Variants in CTNNA2 observed in about 807,000 individuals in gnomAD.
CTNNA2 encodes the protein catenin alpha-2.
A neutral mutation model predicts 101.0 loss-of-function variants in CTNNA2; 42 were observed. The ratio of observed to expected loss-of-function variants is 0.42; its 90% confidence interval spans 0.32 to 0.54. The LOEUF is 0.54. Among genes scored for constraint, CTNNA2 ranks in the 20% least tolerant of loss-of-function variants. CTNNA2 has a pLI of 0.14. For synonymous variants in CTNNA2, 450 were observed against 456.4 expected (o/e 0.99, Z 0.18); for missense variants, 871 against 1,223.1 (o/e 0.71, Z 4.29).
intron 3 of CTNNA2, among the ~76,000 whole-genome samples, chr2:79,753,072 T>G (rs1183832855): frequency 6.6e-6 from 1 of 152,226 alleles, no homozygotes; most frequent in Admixed American, 6.5e-5. Context: ...TAGCTGATAC[T>G]TGACCACTAT....
At chr2:80,471,763 G>C (rs1206450496) in intron 9 of CTNNA2, among the ~76,000 whole-genome samples, 1 of 152,170 alleles carries the variant, frequency 6.6e-6, no homozygotes, top group Non-Finnish European at 1.5e-5. Context: ...GTGAGTAACA[G>C]TAGAGGTTTT....
At chr2:79,571,870 A>C (rs531237583) in intron 1 of CTNNA2, among the ~76,000 whole-genome samples, 1 of 152,114 alleles carries the variant, frequency 6.6e-6, no homozygotes, top group East Asian at 1.9e-4. Flanking sequence ...CTCTTTCACT[A>C]TGACCACCTT....
At chr2:79,894,398 G>C (rs143228399) in intron 6 of CTNNA2, among the ~76,000 whole-genome samples, 148 of 150,070 alleles carry the variant, frequency 9.9e-4, no homozygotes, top group African/African-American at 3.2e-3. Flanking sequence ...TAAAATGCTA[G>C]TCACATATTA....
At chr2:80,252,893 A>G (rs958190265) in intron 7 of CTNNA2, among the ~76,000 whole-genome samples, 11 of 152,098 alleles carry the variant, frequency 7.2e-5, no homozygotes, top group Admixed American at 7.2e-4. Context: ...TGCAAAGAGC[A>G]TTGATTTTAA....
chr2:79,959,867 G>A (rs1008069252), intron 7 of CTNNA2, among the ~76,000 whole-genome samples: 7 of 152,092 alleles, frequency 4.6e-5, no homozygotes, highest in African/African-American at 1.7e-4. Flanking sequence ...TATGTTATAT[G>A]GTGAGCTATA....
intron 6 of CTNNA2, among the ~76,000 whole-genome samples, chr2:79,894,076 T>TCCG (rs1684525305): frequency 6.6e-6 from 1 of 150,880 alleles, no homozygotes; most frequent in African/African-American, 2.4e-5. Flanking sequence ...CTCCTCCTCC[T>TCCG]CCTCCTTCTT....
chr2:79,421,297 A>G (rs1678537104), intron 4 of CTNNA2, among the ~76,000 whole-genome samples: 1 of 152,216 alleles, frequency 6.6e-6, no homozygotes, highest in African/African-American at 2.4e-5. Flanking sequence ...TTAAGTGATG[A>G]GAGATGTGAA....
At chr2:80,270,428 TACTC>T (rs1368762642) in intron 7 of CTNNA2, among the ~76,000 whole-genome samples, 1 of 152,198 alleles carries the variant, frequency 6.6e-6, no homozygotes, top group Non-Finnish European at 1.5e-5. Context: ...CCATTGCTCT[TACTC>T]AGCAGGGAAC....
At chr2:79,821,677 G>A (rs1678018153) in intron 3 of CTNNA2, among the ~76,000 whole-genome samples, 1 of 152,202 alleles carries the variant, frequency 6.6e-6, no homozygotes, top group Non-Finnish European at 1.5e-5. Context: ...AGGAATACAT[G>A]TAACTTTCCT....
At chr2:80,361,135 A>G (rs574152738) in intron 7 of CTNNA2, among the ~76,000 whole-genome samples, 8 of 152,176 alleles carry the variant, frequency 5.3e-5, no homozygotes, top group African/African-American at 1.4e-4. Flanking sequence ...TTTGTAGGCT[A>G]CAAATTGGTT....
rs137920883 is a variant in CTNNA2, at chr2:80,414,755, G to T, written c.1138-4694G>T. 3.9e-5 allele frequency among the ~76,000 whole-genome samples: 6 copies of T among 152,316 alleles called. No homozygotes were observed. In the East Asian group the frequency reaches 1.2e-3, roughly 29 times the overall value. Reference sequence around the variant, plus strand: ...CTGAATTTTGCCTATTTTGTGAACTGACAGGTCAATCTTTCTGCTTAAATC... The same window carrying T: ...CTGAATTTTGCCTATTTTGTGAACTTACAGGTCAATCTTTCTGCTTAAATC... On this transcript the variant is annotated intron_variant, in intron 8 of 18. Coordinates refer to ENST00000402739, the MANE Select transcript of CTNNA2 (RefSeq NM_001282597.3).
At chr2:79,950,248 C>A (rs1001938556) in intron 7 of CTNNA2, among the ~76,000 whole-genome samples, 1 of 151,942 alleles carries the variant, frequency 6.6e-6, no homozygotes, top group Admixed American at 6.6e-5. Flanking sequence ...GAACAAAAAA[C>A]CACACCTGCA....
intron 12 of CTNNA2, among the ~76,000 whole-genome samples, chr2:80,570,173 C>G (rs929828968): frequency 3.3e-5 from 5 of 152,098 alleles, no homozygotes; most frequent in Admixed American, 1.3e-4. Flanking sequence ...CTCAGCCTCT[C>G]GAGTAGCTGG....
intron 8 of CTNNA2, among the ~76,000 whole-genome samples, chr2:80,393,799 A>G (rs1367233373): frequency 6.6e-6 from 1 of 152,198 alleles, no homozygotes; most frequent in Non-Finnish European, 1.5e-5. Context: ...GGAAGCAGGG[A>G]ATAAAATGGC....
At chr2:79,864,770 G>T (rs1681899368) in intron 4 of CTNNA2, among the ~76,000 whole-genome samples, 1 of 152,148 alleles carries the variant, frequency 6.6e-6, no homozygotes, top group Admixed American at 6.5e-5. Context: ...CTCAGAAATT[G>T]AGTATGGGCT....
intron 11 of CTNNA2, among the ~76,000 whole-genome samples, chr2:80,548,788 G>C (rs1194147760): frequency 1.3e-5 from 2 of 152,136 alleles, no homozygotes; most frequent in Non-Finnish European, 2.9e-5. Context: ...CCAATAGCTA[G>C]GGAAACTACT....
chr2:79,812,026 C>A (rs895455841), intron 3 of CTNNA2, among the ~76,000 whole-genome samples: 3 of 152,056 alleles, frequency 2.0e-5, no homozygotes, highest in Admixed American at 6.5e-5. Flanking sequence ...TTTACTGATT[C>A]TATATAGAAA....
chr2:79,977,636 T>A (rs1268727677), intron 7 of CTNNA2, among the ~76,000 whole-genome samples: 2 of 152,172 alleles, frequency 1.3e-5, no homozygotes, highest in Non-Finnish European at 2.9e-5. Flanking sequence ...TGCATTATAA[T>A]ACAAACATAC....
chr2:79,850,086 T>G (rs935763406), intron 3 of CTNNA2, among the ~76,000 whole-genome samples: 1 of 151,896 alleles, frequency 6.6e-6, no homozygotes, highest in Non-Finnish European at 1.5e-5. Flanking sequence ...CATGTGACAA[T>G]AAGGAGTGGT....
Sources: gnomAD v4.1 joint callset for allele counts (sites outside exome capture counted in the v4.1 genomes callset) on GRCh38, gnomAD v4.1.1 for gene constraint, MANE v1.5 for transcripts, NCBI Gene and HGNC (gene_info 2026-07-23, HGNC 2026-07-21) for gene names.